Variants in SPMIP2 observed in about 807,000 individuals in gnomAD.
SPMIP2 encodes the protein sperm microtubule inner protein 2, also known as protein SPMIP2.
the SPMIP2 span, among the ~76,000 whole-genome samples, chr4:158,917,197 C>A: frequency 6.6e-6 from 1 of 152,168 alleles, no homozygotes; most frequent in African/African-American, 2.4e-5. Context: ...TTGCAGTGAG[C>A]CAAGATCACA....
the SPMIP2 span, among the ~76,000 whole-genome samples, chr4:159,009,950 C>T: frequency 2.6e-5 from 4 of 152,056 alleles, no homozygotes; most frequent in African/African-American, 4.8e-5. Flanking sequence ...GTTTTGATTG[C>T]GCCATTGTGC....
chr4:159,080,743 G>A, the SPMIP2 span, among the ~76,000 whole-genome samples: 1 of 151,982 alleles, frequency 6.6e-6, no homozygotes, highest in African/African-American at 2.4e-5. Flanking sequence ...TTGTTTGTTT[G>A]TTTGTTTGTT....
the SPMIP2 span, among the ~76,000 whole-genome samples, chr4:159,030,474 T>C: frequency 9.9e-6 from 1 of 101,424 alleles, no homozygotes; most frequent in South Asian, 2.7e-4. Flanking sequence ...TTTATTTATT[T>C]ATTTATTTAT....
the SPMIP2 span, among the ~76,000 whole-genome samples, chr4:159,009,065 T>C: frequency 6.6e-6 from 1 of 152,218 alleles, no homozygotes; most frequent in African/African-American, 2.4e-5. Flanking sequence ...ATTTCCAACA[T>C]GGTCAATGTC....
the SPMIP2 span, among the ~76,000 whole-genome samples, chr4:158,925,742 C>T: frequency 6.6e-6 from 1 of 152,220 alleles, no homozygotes; most frequent in Admixed American, 6.5e-5. Context: ...CAGTTCCTAA[C>T]GGGTTACACG....
the SPMIP2 span, among the ~76,000 whole-genome samples, chr4:159,002,431 A>C: frequency 6.6e-6 from 1 of 152,292 alleles, no homozygotes; most frequent in South Asian, 2.1e-4. Context: ...TTTGTTAAAA[A>C]AATTATTTTT....
chr4:158,960,839 G>A, the SPMIP2 span, among the ~76,000 whole-genome samples: 2 of 152,068 alleles, frequency 1.3e-5, no homozygotes, highest in Non-Finnish European at 2.9e-5. Flanking sequence ...TCAGAGTATT[G>A]ATAACATATT....
At chr4:158,893,804 G>C in the SPMIP2 span, 10 of 855,614 alleles carry the variant, frequency 1.2e-5, no homozygotes, top group East Asian at 2.7e-4. Context: ...TAATACATAC[G>C]TCTTGTCACA....
the SPMIP2 span, among the ~76,000 whole-genome samples, chr4:159,019,940 C>T: frequency 6.6e-6 from 1 of 152,086 alleles, no homozygotes; most frequent in African/African-American, 2.4e-5. Flanking sequence ...GGGCCGGGCA[C>T]GGTGGCTCAC....
the SPMIP2 span, among the ~76,000 whole-genome samples, chr4:159,072,024 A>G: frequency 1.3e-5 from 2 of 152,254 alleles, no homozygotes; most frequent in Non-Finnish European, 2.9e-5. Flanking sequence ...TAACAATAGC[A>G]GTTAGAGCCA....
chr4:158,981,206 T>G, the SPMIP2 span, among the ~76,000 whole-genome samples: 2 of 152,070 alleles, frequency 1.3e-5, no homozygotes, highest in East Asian at 1.9e-4. Flanking sequence ...TGAGACTATG[T>G]GAAAAGACCA....
the SPMIP2 span, among the ~76,000 whole-genome samples, chr4:158,908,613 C>A: frequency 6.6e-6 from 1 of 152,180 alleles, no homozygotes; most frequent in Non-Finnish European, 1.5e-5. Flanking sequence ...GAATTTGAGT[C>A]ACCAATACAG....
chr4:158,963,225 A>C, the SPMIP2 span, among the ~76,000 whole-genome samples: 1 of 151,958 alleles, frequency 6.6e-6, no homozygotes, highest in South Asian at 2.1e-4. Flanking sequence ...TGCTTTACAC[A>C]TGTCTCTATC....
the SPMIP2 span, among the ~76,000 whole-genome samples, chr4:159,034,760 A>G: frequency 0.35 from 53,088 of 152,032 alleles, 9,717 homozygotes; most frequent in East Asian, 0.64. Flanking sequence ...GCATGATGGC[A>G]GATGCCTGTA....
At chr4:158,895,226 G>C in the SPMIP2 span, among the ~76,000 whole-genome samples, 1 of 152,134 alleles carries the variant, frequency 6.6e-6, no homozygotes, top group Admixed American at 6.6e-5. Flanking sequence ...TGTGGGGGAG[G>C]TTCAAAATGA....
chr4:158,973,976 G>A, the SPMIP2 span, among the ~76,000 whole-genome samples: 1 of 89,286 alleles, frequency 1.1e-5, no homozygotes, highest in Non-Finnish European at 2.0e-5. Flanking sequence ...ATAGAGCAAG[G>A]CCACCTCAAA....
At chr4:159,076,319 CT>C in the SPMIP2 span, among the ~76,000 whole-genome samples, 3 of 152,126 alleles carry the variant, frequency 2.0e-5, no homozygotes, top group African/African-American at 7.2e-5. Flanking sequence ...GATAAGTTTA[CT>C]CTGTTATTAT....
At chr4:159,077,331 G>C in the SPMIP2 span, among the ~76,000 whole-genome samples, 2 of 151,666 alleles carry the variant, frequency 1.3e-5, 1 homozygote, top group South Asian at 4.2e-4. Context: ...ATTATTAGTA[G>C]AGATGGGGTT....
chr4:159,042,279 C>T, the SPMIP2 span, among the ~76,000 whole-genome samples: 1 of 152,350 alleles, frequency 6.6e-6, no homozygotes, highest in Admixed American at 6.5e-5. Context: ...GATGCCCACG[C>T]TTCCCTCTTT....
Sources: allele counts gnomAD v4.1 joint callset (sites outside exome capture counted in the v4.1 genomes callset), GRCh38; gene constraint gnomAD v4.1.1; transcripts MANE v1.5; gene names NCBI Gene and HGNC (gene_info 2026-07-23, HGNC 2026-07-21).